The following NRXN3 variants were observed in gnomAD, a reference collection of about 807,000 sequenced individuals.
NRXN3 encodes neurexin III.
A neutral mutation model predicts 137.6 loss-of-function variants in NRXN3; 32 were observed. The observed-to-expected ratio is 0.23, with a 90% CI of 0.18 to 0.31. The LOEUF is 0.31. Ranked by LOEUF, NRXN3 falls within the 10% of genes least tolerant of loss-of-function variation. The probability of loss-of-function intolerance (pLI) is 1.00; values close to 1 mark genes in which losing one functional copy is unlikely to be tolerated. For synonymous variants in NRXN3, 798 were observed against 784.5 expected (o/e 1.02, Z -0.29); for missense variants, 1,574 against 2,062.5 (o/e 0.76, Z 4.59).
At chr14:79,673,588 CG>C (rs1567849699) in intron 17 of NRXN3, among the ~76,000 whole-genome samples, 1 of 152,050 alleles carries the variant, frequency 6.6e-6, no homozygotes, top group African/African-American at 2.4e-5. Flanking sequence ...TCCTCATCAC[CG>C]GGGTAGCTCT....
chr14:78,327,702 G>A (rs77171145), intron 4 of NRXN3, among the ~76,000 whole-genome samples: 7 of 152,284 alleles, frequency 4.6e-5, no homozygotes, highest in African/African-American at 1.7e-4. Context: ...CCAAGAAACT[G>A]CTGCTCTCAT....
intron 6 of NRXN3, among the ~76,000 whole-genome samples, chr14:78,702,389 C>A (rs2098291977): frequency 6.6e-6 from 1 of 150,454 alleles, no homozygotes; most frequent in Non-Finnish European, 1.5e-5. Flanking sequence ...TATAGCCCTG[C>A]CTCTTAGGCT....
intron 16 of NRXN3, among the ~76,000 whole-genome samples, chr14:79,540,959 A>AGGTTCCTTCTGGAG (rs1375786923): frequency 1.1e-4 from 17 of 152,146 alleles, no homozygotes; most frequent in African/African-American, 4.1e-4. Context: ...TCAAGGTGTC[A>AGGTTCCTTCTGGAG]GCAAGGCTGG....
intron 1 of NRXN3, among the ~76,000 whole-genome samples, chr14:78,232,632 T>A (rs2065596415): frequency 6.6e-6 from 1 of 152,180 alleles, no homozygotes; most frequent in Non-Finnish European, 1.5e-5. Context: ...CCCCTCCTTT[T>A]CCCTCTCCAT....
intron 12 of NRXN3, among the ~76,000 whole-genome samples, chr14:78,966,992 T>C (rs1055702390): frequency 1.3e-5 from 2 of 152,178 alleles, no homozygotes; most frequent in Admixed American, 1.3e-4. Context: ...GTAGGTAGTG[T>C]TAATGAAGTG....
chr14:79,657,684 G>A (rs1375651024), intron 16 of NRXN3, among the ~76,000 whole-genome samples: 1 of 152,122 alleles, frequency 6.6e-6, no homozygotes, highest in Non-Finnish European at 1.5e-5. Context: ...GTTCTACTGA[G>A]TTCAATGTTT....
intron 10 of NRXN3, among the ~76,000 whole-genome samples, chr14:78,834,470 A>G (rs535671251): frequency 6.6e-6 from 1 of 152,168 alleles, no homozygotes; most frequent in African/African-American, 2.4e-5. Context: ...CGACTTAAAA[A>G]GCTGAAGCAA....
chr14:78,285,043 C>G (rs1260521769), intron 3 of NRXN3, among the ~76,000 whole-genome samples: 1 of 152,180 alleles, frequency 6.6e-6, no homozygotes, highest in Non-Finnish European at 1.5e-5. Context: ...GAGGTGTACG[C>G]CCTTGGGCAA....
At chr14:79,336,548 T>A (rs934174327) in intron 15 of NRXN3, among the ~76,000 whole-genome samples, 1 of 152,190 alleles carries the variant, frequency 6.6e-6, no homozygotes, top group Non-Finnish European at 1.5e-5. Flanking sequence ...GTCCTTGCAG[T>A]CAGAATGGCA....
intron 16 of NRXN3, among the ~76,000 whole-genome samples, chr14:79,488,155 A>G (rs1320908047): frequency 6.6e-6 from 1 of 152,178 alleles, no homozygotes; most frequent in Non-Finnish European, 1.5e-5. Context: ...ACCTTACCTA[A>G]AAGAGGTCAT....
intron 15 of NRXN3, among the ~76,000 whole-genome samples, chr14:79,418,658 T>C (rs1196300521): frequency 6.6e-6 from 1 of 152,154 alleles, no homozygotes. Flanking sequence ...AGCAGCTCTC[T>C]TGAAAACAAA....
intron 4 of NRXN3, among the ~76,000 whole-genome samples, chr14:78,406,452 A>T (rs1379861554): frequency 2.0e-5 from 3 of 152,288 alleles, no homozygotes; most frequent in East Asian, 1.9e-4. Flanking sequence ...TAGACAGGAG[A>T]CAGTTTATTC....
intron 4 of NRXN3, among the ~76,000 whole-genome samples, chr14:78,621,876 A>T (rs949453294): frequency 6.6e-6 from 1 of 151,532 alleles, no homozygotes. Flanking sequence ...CTTGACACTT[A>T]TTACCTTACT....
rs553056006 is a variant in NRXN3, at chr14:78,324,860, C to T, written c.757+27000C>T. The stretch of plus-strand genomic sequence containing the variant: ...AGGTTGTGATGACAAATGGCCTTAG[C>T]TTTCGGGGTGTGATAGGGTCAGGTG... On this transcript the variant is annotated intron_variant, in intron 4 of 20. Transcript: ENST00000335750. Among the ~76,000 whole-genome samples the T allele has an allele frequency of 9.8e-4, 149 of 152,054 alleles. 1 individual carries two copies. Among genetic ancestry groups the T allele is most frequent in the Middle Eastern group, 3.4e-3 (1 of 294 alleles).
chr14:78,668,825 G>C (rs1162793887), intron 6 of NRXN3, among the ~76,000 whole-genome samples: 1 of 152,194 alleles, frequency 6.6e-6, no homozygotes, highest in African/African-American at 2.4e-5. Context: ...AGAGCAGGAA[G>C]TGAATTGAAT....
At chr14:79,569,010 T>G (rs76534622) in intron 16 of NRXN3, among the ~76,000 whole-genome samples, 1 of 152,086 alleles carries the variant, frequency 6.6e-6, no homozygotes, top group Non-Finnish European at 1.5e-5. Flanking sequence ...TTTAAACATG[T>G]GATTGCGGCT....
intron 19 of NRXN3, among the ~76,000 whole-genome samples, chr14:79,782,144 A>G (rs2099115766): frequency 6.6e-6 from 1 of 152,164 alleles, no homozygotes; most frequent in Non-Finnish European, 1.5e-5. Context: ...ATTTCCTAGA[A>G]GGATGCATTT....
intron 15 of NRXN3, among the ~76,000 whole-genome samples, chr14:79,153,687 G>A (rs2059998576): frequency 6.6e-6 from 1 of 151,930 alleles, no homozygotes; most frequent in Middle Eastern, 3.2e-3. Flanking sequence ...TTTTTCCTGA[G>A]TAGACCTCTT....
intron 15 of NRXN3, among the ~76,000 whole-genome samples, chr14:79,376,265 T>TATATATATATATAC (rs1566950685): frequency 2.8e-5 from 2 of 72,704 alleles, no homozygotes; most frequent in African/African-American, 8.8e-5. Context: ...TATATATATA[T>TATATATATATATAC]ACACATACAT....
Sources: allele counts gnomAD v4.1 joint callset (sites outside exome capture counted in the v4.1 genomes callset), GRCh38; gene constraint gnomAD v4.1.1; transcripts MANE v1.5; gene names NCBI Gene and HGNC (gene_info 2026-07-23, HGNC 2026-07-21).